SLC39A14: variants seen among roughly 807,000 people sequenced by gnomAD.
SLC39A14 encodes solute carrier family 39 member 14.
SLC39A14 carries 19 observed loss-of-function variants against 45.5 expected under a neutral mutation model. That is an observed-to-expected ratio of 0.42 (90% CI 0.29 to 0.61). SLC39A14 has a LOEUF of 0.61. Ranked by LOEUF, SLC39A14 falls within the 20% of genes least tolerant of loss-of-function variation. The probability of loss-of-function intolerance (pLI) is 0.22; values close to 1 mark genes in which losing one functional copy is unlikely to be tolerated. For synonymous variants in SLC39A14, 264 were observed against 251.3 expected, an observed-to-expected ratio of 1.05 and a Z score of -0.48; for missense variants, 447 against 616.5, an observed-to-expected ratio of 0.73 and a Z score of 2.91.
chr8:22,412,916 T>A (rs1835663169), intron 4 of SLC39A14, among the ~76,000 whole-genome samples: 1 of 152,162 alleles, frequency 6.6e-6, no homozygotes, highest in African/African-American at 2.4e-5. Context: ...CCAGCCTGGG[T>A]GACGGGAGTG....
intron 1 of SLC39A14, among the ~76,000 whole-genome samples, chr8:22,394,586 TG>T (rs1834274568): frequency 1.3e-5 from 2 of 152,196 alleles, no homozygotes; most frequent in South Asian, 4.1e-4. Context: ...CCCAAAGTGC[TG>T]GGATTGCAGG....
At chr8:22,387,256 C>T (rs900113158) in intron 1 of SLC39A14, among the ~76,000 whole-genome samples, 1 of 151,928 alleles carries the variant, frequency 6.6e-6, no homozygotes, top group Non-Finnish European at 1.5e-5. Flanking sequence ...TTCATCCACT[C>T]TCTTGCTGAT....
At chr8:22,400,366 A>G (rs755426440) in intron 1 of SLC39A14, among the ~76,000 whole-genome samples, 28 of 152,226 alleles carry the variant, frequency 1.8e-4, no homozygotes, top group African/African-American at 2.7e-4. Flanking sequence ...AAGGTCTGCA[A>G]TCGGTAAATG....
At chr8:22,375,054 C>T (rs755593967) in intron 1 of SLC39A14, among the ~76,000 whole-genome samples, 3 of 152,084 alleles carry the variant, frequency 2.0e-5, no homozygotes, top group Admixed American at 6.6e-5. Context: ...CCAGCCTGCT[C>T]TTATCTGGAG....
intron 1 of SLC39A14, among the ~76,000 whole-genome samples, chr8:22,394,136 A>G (rs1202300241): frequency 6.6e-6 from 1 of 151,454 alleles, no homozygotes; most frequent in African/African-American, 2.4e-5. Flanking sequence ...GCTCCCAAGC[A>G]GCTGGGACTA....
chr8:22,380,126 A>G (rs1361637085), intron 1 of SLC39A14, among the ~76,000 whole-genome samples: 1 of 152,202 alleles, frequency 6.6e-6, no homozygotes, highest in Non-Finnish European at 1.5e-5. Context: ...ATGCTATTTT[A>G]TATCAGGGAC....
intron 1 of SLC39A14, among the ~76,000 whole-genome samples, chr8:22,394,177 T>G (rs533778541): frequency 1.3e-5 from 2 of 151,826 alleles, no homozygotes; most frequent in Non-Finnish European, 2.9e-5. Context: ...CAGCTAATTT[T>G]TGTATTTTTA....
chr8:22,434,113 A>T, exon 9 of SLC39A14: 1 of 160,244 alleles, frequency 6.2e-6, no homozygotes, highest in Admixed American at 6.5e-5. Context: ...GTCATTAAAT[A>T]TTTTTCTAAT....
At chr8:22,412,925 T>G (rs1835663924) in intron 4 of SLC39A14, among the ~76,000 whole-genome samples, 1 of 151,990 alleles carries the variant, frequency 6.6e-6, no homozygotes, top group Non-Finnish European at 1.5e-5. Context: ...GTGACGGGAG[T>G]GAGACTCCGT....
At chr8:22,432,445 C>G (rs934760259) in intron 8 of SLC39A14, among the ~76,000 whole-genome samples, 1 of 151,706 alleles carries the variant, frequency 6.6e-6, no homozygotes, top group Non-Finnish European at 1.5e-5. Flanking sequence ...TCTCTCTTCT[C>G]CCTCCTTCCT....
chr8:22,385,050 CA>C (rs1024530071), intron 1 of SLC39A14, among the ~76,000 whole-genome samples: 1 of 150,448 alleles, frequency 6.6e-6, no homozygotes, highest in Non-Finnish European at 1.5e-5. Flanking sequence ...ACTCCTGTCT[CA>C]AAAAAAACAC....
chr8:22,384,774 G>A (rs917443782), intron 1 of SLC39A14, among the ~76,000 whole-genome samples: 3 of 144,994 alleles, frequency 2.1e-5, no homozygotes, highest in African/African-American at 7.7e-5. Context: ...TCTTGGCCGG[G>A]CACGGTGGCT....
chr8:22,401,192 T>G (rs1443955691), intron 1 of SLC39A14, among the ~76,000 whole-genome samples: 1 of 152,208 alleles, frequency 6.6e-6, no homozygotes, highest in Non-Finnish European at 1.5e-5. Flanking sequence ...GTTAAATAAT[T>G]CATCCAAGAT....
At chr8:22,432,792 C>A (rs1161592414) in intron 8 of SLC39A14, among the ~76,000 whole-genome samples, 3 of 149,542 alleles carry the variant, frequency 2.0e-5, no homozygotes, top group Non-Finnish European at 4.5e-5. Flanking sequence ...GGATTACAGG[C>A]ACCCGCCACA....
chr8:22,410,016 C>T (rs751212725), intron 3 of SLC39A14: 6 of 1,614,172 alleles, frequency 3.7e-6, no homozygotes, highest in East Asian at 2.2e-5. Flanking sequence ...TCGTCCTGCC[C>T]TGCACAGAGA....
At chr8:22,379,860 C>T (rs1187377950) in intron 1 of SLC39A14, among the ~76,000 whole-genome samples, 2 of 143,612 alleles carry the variant, frequency 1.4e-5, no homozygotes, top group African/African-American at 5.2e-5. Context: ...ACCCGGGAGG[C>T]AGAGGTTGCA....
chr8:22,417,350 A>G (rs567962193), intron 7 of SLC39A14, among the ~76,000 whole-genome samples: 93 of 152,294 alleles, frequency 6.1e-4, no homozygotes, highest in Non-Finnish European at 6.3e-4. Context: ...CAGTTTGGCA[A>G]ATGGAGACGG....
At chr8:22,368,040 T>G (rs1832731102) in intron 1 of SLC39A14, among the ~76,000 whole-genome samples, 1 of 152,032 alleles carries the variant, frequency 6.6e-6, no homozygotes, top group African/African-American at 2.4e-5. Context: ...GATCCTGAGG[T>G]CCAGTTGAGC....
chr8:22,425,486 T>C (rs536989293), downstream of SLC39A14, among the ~76,000 whole-genome samples: 2 of 152,132 alleles, frequency 1.3e-5, no homozygotes, highest in Non-Finnish European at 2.9e-5. Flanking sequence ...CGTAGTGTTT[T>C]TGATGCGTGG....
Sources: gnomAD v4.1 joint callset for allele counts (sites outside exome capture counted in the v4.1 genomes callset) on GRCh38, gnomAD v4.1.1 for gene constraint, MANE v1.5 for transcripts, NCBI Gene and HGNC (gene_info 2026-07-23, HGNC 2026-07-21) for gene names.